ADAMTS2: variants seen among roughly 807,000 people sequenced by gnomAD.
ADAMTS2 encodes the protein ADAM metallopeptidase with thrombospondin type 1 motif 2.
A neutral mutation model predicts 123.0 loss-of-function variants in ADAMTS2; 50 were observed. That is an observed-to-expected ratio of 0.41 (90% confidence interval 0.32 to 0.51). The LOEUF (loss-of-function observed/expected upper bound fraction) is 0.51. Among genes scored for constraint, ADAMTS2 ranks in the 20% least tolerant of loss-of-function variants. The pLI, the probability that ADAMTS2 is intolerant of heterozygous loss-of-function variation, is 0.35. For synonymous variants in ADAMTS2, 678 were observed against 695.4 expected (o/e 0.98, Z 0.39); for missense variants, 1,494 against 1,705.2 (o/e 0.88, Z 2.18).
At position 179,189,261 on chromosome 5, in the gene ADAMTS2, T is replaced by C. The variant is rs989682272; in HGVS notation, c.892-8106A>G. ...AGCTTTTTAATCACCTGGGTGCAGG[T>C]GGGCTGAGTCCAAAAAGAGAGTCAG... is the stretch of plus-strand genomic sequence containing the variant. On this transcript the variant is annotated intron_variant, in intron 4 of 21. Coordinates refer to ENST00000251582, the MANE Select transcript of ADAMTS2 (RefSeq NM_014244.5). This position sits in a 1 kb window ranked among gnomAD's most constrained non-coding sequence, Gnocchi z 4.2. Among the ~76,000 whole-genome samples, 5 of 152,144 alleles carry C rather than the reference T, an allele frequency of 3.3e-5. No individual in the cohort carries two copies. Among genetic ancestry groups the C allele is most frequent in the African/African-American group, 1.2e-4 (5 of 41,422 alleles).
intron 3 of ADAMTS2, among the ~76,000 whole-genome samples, chr5:179,243,623 G>A (rs1028191462): frequency 3.3e-5 from 5 of 152,158 alleles, no homozygotes; most frequent in African/African-American, 7.2e-5. Flanking sequence ...AAAATGTCCA[G>A]TTTCACACAA....
intron 20 of ADAMTS2, 124 bp downstream of exon 20, chr5:179,122,520 G>A: frequency 7.2e-7 from 1 of 1,383,846 alleles, no homozygotes; most frequent in South Asian, 1.4e-5. Context: ...GCTTCTCCAT[G>A]CTCACAGATG....
rs201162234 is a variant in ADAMTS2 at position 179,158,824 on chromosome 5, C to T, written c.1031G>A (p.Arg344His). 2.2e-5 allele frequency: 36 copies of T among 1,614,182 alleles called. 1 individual carries two copies. In the East Asian group the frequency reaches 3.3e-4, roughly 15 times the overall value. Residue 344 changes from arginine to histidine, a missense_variant, in exon 6 of 22, where the codon CGC becomes CAC. By Grantham distance (29) the Arg-to-His change is conservative. Coordinates refer to ENST00000251582, the MANE Select transcript of ADAMTS2 (RefSeq NM_014244.5). This position sits in a 1 kb window ranked among gnomAD's most constrained non-coding sequence, Gnocchi z 5.0. ...TGGCTTCTGCTGGAGGTAGGCCCAG[C>T]GGCAGACATTCTCCAGGCTCTGAGA... The part of the protein sequence containing the change: ...NPSQSLENVC[R>H]WAYLQQKPDT...
intron 6 of ADAMTS2, among the ~76,000 whole-genome samples, chr5:179,157,230 G>T: frequency 6.6e-6 from 1 of 152,282 alleles, no homozygotes; most frequent in East Asian, 1.9e-4. Flanking sequence ...GATTACAGGA[G>T]TGAGCCACCA....
chr5:179,330,605 G>A lies in ADAMTS2; in HGVS notation c.534+13162C>T, dbSNP rs115105174. Reference sequence around the variant, plus strand: ...ACACATTTCCCCTCCCCCAGTGCCCGTGATCTCCACCCAGCGCTGCGCACC... The same window carrying A: ...ACACATTTCCCCTCCCCCAGTGCCCATGATCTCCACCCAGCGCTGCGCACC... On this transcript the variant is annotated intron_variant, in intron 2 of 21. Coordinates refer to ENST00000251582, the MANE Select transcript of ADAMTS2 (RefSeq NM_014244.5). 3.5e-3 allele frequency among the ~76,000 whole-genome samples: 536 copies of A among 152,294 alleles called. 1 individual carries two copies. Among genetic ancestry groups the A allele is most frequent in the African/African-American group, 0.012 (504 of 41,570 alleles).
chr5:179,310,422 G>A (rs892058906), intron 2 of ADAMTS2, among the ~76,000 whole-genome samples: 1 of 152,208 alleles, frequency 6.6e-6, no homozygotes, highest in African/African-American at 2.4e-5. Flanking sequence ...GCCTTGCAGG[G>A]TACAGTATGG....
chr5:179,341,670 G>C (rs115300558), intron 2 of ADAMTS2, among the ~76,000 whole-genome samples: 6 of 149,200 alleles, frequency 4.0e-5, no homozygotes, highest in Non-Finnish European at 8.9e-5. Flanking sequence ...AGCTGAGATC[G>C]CGCCACTGCA....
intron 2 of ADAMTS2, among the ~76,000 whole-genome samples, chr5:179,299,267 C>A (rs768545040): frequency 6.8e-6 from 1 of 147,512 alleles, no homozygotes; most frequent in Non-Finnish European, 1.5e-5. Flanking sequence ...CGGTGGCTCA[C>A]GCCTGTAATC....
At chr5:179,223,071 C>T (rs1435077799) in intron 3 of ADAMTS2, among the ~76,000 whole-genome samples, 1 of 152,254 alleles carries the variant, frequency 6.6e-6, no homozygotes, top group East Asian at 1.9e-4. Context: ...CTCCCAAAAC[C>T]TTCATTTTCA....
chr5:179,169,409 C>G (rs1410186134), intron 5 of ADAMTS2, among the ~76,000 whole-genome samples: 3 of 152,214 alleles, frequency 2.0e-5, no homozygotes, highest in Non-Finnish European at 4.4e-5. Context: ...GTTATTGCAG[C>G]CCAAACAGAC....
chr5:179,227,294 A>C (rs1279505116), intron 3 of ADAMTS2, among the ~76,000 whole-genome samples: 6 of 152,226 alleles, frequency 3.9e-5, no homozygotes, highest in South Asian at 2.1e-4. Context: ...CCAGCCAAAA[A>C]GCAAGCCACG....
In ADAMTS2 at chr5:179,113,843, T is replaced by C. The variant is rs752839616; in HGVS notation, c.*24A>G. On this transcript the variant is annotated 3_prime_UTR_variant, in exon 22 of 22. Coordinates refer to ENST00000251582, the MANE Select transcript of ADAMTS2 (RefSeq NM_014244.5). ...ATCTCTATAAGCAAGAAAAAAATGC[T>C]AGGGATGCTATCTTTCCATTTTATT... 2 of 1,608,486 alleles carry C rather than the reference T, an allele frequency of 1.2e-6. No homozygotes were observed. Among genetic ancestry groups the C allele is most frequent in the Admixed American group, 1.7e-5 (1 of 60,020 alleles).
rs543164107 is a variant in ADAMTS2, at chr5:179,225,251, T to C, written c.689-17536A>G. 1.1e-3 allele frequency among the ~76,000 whole-genome samples: 160 copies of C among 152,272 alleles called. 3 individuals are homozygous for C. The highest frequency in any genetic ancestry group is 3.7e-3 in the African/African-American group (153 of 41,560). Reference sequence around the variant, plus strand: ...GCTTCAGACAAAGGACTAATTTCCTTAATACATAAAGCGCTCTTACAAATC... The same window carrying C: ...GCTTCAGACAAAGGACTAATTTCCTCAATACATAAAGCGCTCTTACAAATC... On this transcript the variant is annotated intron_variant, in intron 3 of 21. Coordinates refer to ENST00000251582, the MANE Select transcript of ADAMTS2 (RefSeq NM_014244.5). This position sits in a 1 kb window ranked among gnomAD's most constrained non-coding sequence, Gnocchi z 4.5.
In ADAMTS2 at chr5:179,158,712, G is replaced by A. The variant is rs367786616; in HGVS notation, c.1132+11C>T. ...TTCACGCCTCTGTGGCCCTGCATGG[G>A]TGAGGCTCACCTTGCATGCCGGAAG... On this transcript the variant is annotated intron_variant, in intron 6 of 21. Transcript: ENST00000251582. The surrounding 1 kb of genome is among the most constrained non-coding windows in gnomAD (Gnocchi z 5.0). 35 of 1,613,992 alleles carry A rather than the reference G, an allele frequency of 2.2e-5. No individual in the cohort carries two copies. The highest frequency in any genetic ancestry group is 2.8e-5 in the Non-Finnish European group (33 of 1,180,042).
chr5:179,298,026 C>T (rs888175893), intron 2 of ADAMTS2, among the ~76,000 whole-genome samples: 1 of 152,110 alleles, frequency 6.6e-6, no homozygotes, highest in Non-Finnish European at 1.5e-5. Flanking sequence ...CCACACCCTC[C>T]TGCTCAGCCT....
At chr5:179,140,317 C>T (rs577829295) in intron 10 of ADAMTS2, among the ~76,000 whole-genome samples, 2 of 152,322 alleles carry the variant, frequency 1.3e-5, no homozygotes, top group South Asian at 4.1e-4. Flanking sequence ...CTGGAAGCTG[C>T]ACCACATGAC....
chr5:179,240,914 G>C (rs1765653444), intron 3 of ADAMTS2, among the ~76,000 whole-genome samples: 1 of 152,188 alleles, frequency 6.6e-6, no homozygotes, highest in African/African-American at 2.4e-5. Flanking sequence ...AACTCTCCTG[G>C]CAGAACTCTA....
intron 10 of ADAMTS2, 122 bp downstream of exon 10, chr5:179,152,020 G>T: frequency 1.2e-6 from 1 of 815,904 alleles, no homozygotes; most frequent in Non-Finnish European, 2.0e-6. Flanking sequence ...AAAGGAGAGG[G>T]CAGCAGAGGT....
chr5:179,321,521 A>G (rs937060764), intron 2 of ADAMTS2, among the ~76,000 whole-genome samples: 1 of 152,018 alleles, frequency 6.6e-6, no homozygotes, highest in Non-Finnish European at 1.5e-5. Context: ...ATCCTTTAGC[A>G]GGTGGGCAGC....
Sources: allele counts gnomAD v4.1 joint callset (sites outside exome capture counted in the v4.1 genomes callset), GRCh38; gene constraint gnomAD v4.1.1; non-coding constraint Gnocchi (gnomAD v3.1); transcripts MANE v1.5; gene names NCBI Gene and HGNC (gene_info 2026-07-23, HGNC 2026-07-21).